THBS4: variants seen among roughly 807,000 people sequenced by gnomAD.
THBS4 encodes thrombospondin-4.
THBS4 carries 90 observed loss-of-function variants against 115.7 expected under a neutral mutation model. The ratio of observed to expected loss-of-function variants is 0.78; its 90% CI spans 0.66 to 0.93. THBS4 has a LOEUF of 0.93. Among genes scored for constraint, THBS4 ranks in the 40% least tolerant of loss-of-function variants. The probability of loss-of-function intolerance (pLI) is 0.00; values close to 1 mark genes in which losing one functional copy is unlikely to be tolerated. For synonymous variants in THBS4, 460 were observed against 479.3 expected, an observed-to-expected ratio of 0.96 and a Z score of 0.53; for missense variants, 1,087 against 1,232.7, an observed-to-expected ratio of 0.88 and a Z score of 1.77.
intron 2 of THBS4, among the ~76,000 whole-genome samples, chr5:80,000,809 T>C (rs1364706485): frequency 6.6e-6 from 1 of 152,060 alleles, no homozygotes; most frequent in Admixed American, 6.6e-5. Flanking sequence ...AGAGCGTATG[T>C]GTGTGCACTG....
At chr5:80,002,530 A>G (rs1269915499) in intron 2 of THBS4, among the ~76,000 whole-genome samples, 1 of 151,826 alleles carries the variant, frequency 6.6e-6, no homozygotes, top group East Asian at 1.9e-4. Context: ...CCCATGCTCT[A>G]TCCTAATGTG....
At chr5:80,061,590 C>A in intron 7 of THBS4, 105 bp from the exon 8 acceptor site, 1 of 1,391,366 alleles carries the variant, frequency 7.2e-7, no homozygotes, top group Non-Finnish European at 9.6e-7. Flanking sequence ...ATTTTTTCCA[C>A]CAAAAGATAG....
upstream of THBS4, among the ~76,000 whole-genome samples, chr5:80,035,184 C>T (rs1220486814): frequency 6.6e-6 from 1 of 152,074 alleles, no homozygotes. This position sits in a 1 kb window ranked among gnomAD's most constrained non-coding sequence, Gnocchi z 4.6. Context: ...CGTCCAGGCT[C>T]CTTCCCATCC....
intron 7 of THBS4, 38 bp from the exon 8 acceptor site, chr5:80,061,657 T>C (rs747702321): frequency 2.6e-6 from 4 of 1,556,476 alleles, no homozygotes; most frequent in Middle Eastern, 1.7e-4. Flanking sequence ...GAGTGTTTTC[T>C]CGGTGTGGCT....
intron 2 of THBS4, among the ~76,000 whole-genome samples, chr5:80,006,565 A>C (rs1832023562): frequency 6.6e-6 from 1 of 152,190 alleles, no homozygotes; most frequent in African/African-American, 2.4e-5. Flanking sequence ...CCTCTGCTCT[A>C]GTTCTTTTTG....
chr5:80,035,629 A>G lies in THBS4; in HGVS notation c.88+4A>G. ...GGCGCCCAGGCCACCCCCCAGGGTA[A>G]GTGGGTTCGGGTCGGGCCTGGGAGC... On this transcript the variant is annotated splice_donor_region_variant and intron_variant, in intron 1 of 21. Coordinates refer to ENST00000350881, the MANE Select transcript of THBS4 (RefSeq NM_003248.6). This position sits in a 1 kb window ranked among gnomAD's most constrained non-coding sequence, Gnocchi z 4.6. The G allele has an allele frequency of 7.4e-7, 1 of 1,358,706 alleles. No homozygotes were observed. The highest frequency in any genetic ancestry group is 9.5e-7 in the Non-Finnish European group (1 of 1,053,868). 84.2% of individuals were successfully genotyped at this position (1,358,706 alleles called of 1,614,324 possible).
chr5:80,082,604 C>T, intron 21 of THBS4, 59 bp downstream of exon 21: 2 of 1,596,856 alleles, frequency 1.3e-6, no homozygotes, highest in South Asian at 1.1e-5. Flanking sequence ...AACACTGCCA[C>T]CTTATTTTTA....
intron 1 of THBS4, chr5:80,036,192 C>T: frequency 1.0e-6 from 1 of 985,430 alleles, no homozygotes; most frequent in Non-Finnish European, 1.2e-6. Context: ...ATAGGAAGGG[C>T]TGAGAAACTG....
At chr5:80,029,448 A>T (rs1056557784) in intron 2 of THBS4, among the ~76,000 whole-genome samples, 1 of 151,968 alleles carries the variant, frequency 6.6e-6, no homozygotes, top group African/African-American at 2.4e-5. Context: ...AAATGTATAC[A>T]TAATTATTAA....
intron 1 of THBS4, among the ~76,000 whole-genome samples, chr5:79,993,867 A>AG (rs1248497559): frequency 2.0e-5 from 3 of 152,214 alleles, no homozygotes; most frequent in Non-Finnish European, 4.4e-5. Flanking sequence ...TAAATTGTAA[A>AG]GTCTTAAATA....
chr5:80,012,242 C>T (rs1000467562), intron 2 of THBS4, among the ~76,000 whole-genome samples: 5 of 152,296 alleles, frequency 3.3e-5, no homozygotes, highest in Non-Finnish European at 5.9e-5. Flanking sequence ...CCAGCCTCTG[C>T]CACTGATTGA....
At chr5:80,005,096 A>G (rs1476745243) in intron 2 of THBS4, among the ~76,000 whole-genome samples, 1 of 152,236 alleles carries the variant, frequency 6.6e-6, no homozygotes, top group Non-Finnish European at 1.5e-5. Context: ...AGCTCAGAAA[A>G]TGACAGTAAT....
At chr5:80,078,762 C>A in intron 17 of THBS4, 159 bp from the exon 18 acceptor site, 1 of 588,188 alleles carries the variant, frequency 1.7e-6, no homozygotes. Flanking sequence ...TTTCTTTGAG[C>A]ACATAACACA....
intron 2 of THBS4, among the ~76,000 whole-genome samples, chr5:80,023,937 C>A (rs1030555726): frequency 2.0e-5 from 3 of 152,112 alleles, no homozygotes; most frequent in Non-Finnish European, 4.4e-5. Flanking sequence ...TAATCTATTC[C>A]TGAGGAATCC....
At chr5:80,078,996 C>G (rs768389203) in intron 18 of THBS4, 27 bp downstream of exon 18, 2 of 1,613,790 alleles carry the variant, frequency 1.2e-6, no homozygotes, top group South Asian at 1.1e-5. Context: ...AGTTGCCACT[C>G]ACATAGAATT....
At position 80,035,455 on chromosome 5, in the gene THBS4, G is replaced by A. The variant is rs911787980; in HGVS notation, c.-83G>A. The A allele has an allele frequency of 1.6e-5, 16 of 1,014,854 alleles. No individual in the cohort carries two copies. The highest frequency in any genetic ancestry group is 1.9e-5 in the Non-Finnish European group (15 of 792,634). The allele number at this position is 1,014,854 out of a possible 1,614,324, so 62.9% of individuals were successfully genotyped here. A position where few individuals can be genotyped will look rare whatever the true frequency, so the allele number is the denominator to read the frequency against. On this transcript the variant is annotated 5_prime_UTR_variant, in exon 1 of 22. Transcript: ENST00000350881. The surrounding 1 kb of genome is among the most constrained non-coding windows in gnomAD (Gnocchi z 4.6). ...CGGCGCCGGCCCGGGCGCCGACCGA[G>A]GTTCAACGCACGGCCCGGGGACCCC... is the stretch of plus-strand genomic sequence containing the variant.
intron 5 of THBS4, among the ~76,000 whole-genome samples, chr5:80,059,026 G>A (rs1025004861): frequency 2.6e-5 from 4 of 152,164 alleles, no homozygotes; most frequent in African/African-American, 4.8e-5. Context: ...GGCTGCTAAC[G>A]CTACTGTAAG....
Position 80,071,021 on chromosome 5 carries a change from G to A in THBS4, c.1561G>A (p.Asp521Asn), listed in dbSNP as rs777333843. The change falls in exon 13 of 22, where the codon GAT (aspartate) becomes AAT (asparagine). Residue 521 changes from aspartate to asparagine, a missense_variant and splice_region_variant. By Grantham distance (23) the Asp-to-Asn change is conservative (BLOSUM62 1). Coordinates refer to ENST00000350881, the MANE Select transcript of THBS4 (RefSeq NM_003248.6). The stretch of plus-strand genomic sequence containing the variant: ...GATGTTCTGTCCTTTCATCTTTTAG[G>A]ATAACTGTGTCCTGATTCATAATGT... ...ADGDGILNEQ[D>N]NCVLIHNVDQ... The A allele has an allele frequency of 6.8e-6, 11 of 1,612,150 alleles. No individual in the cohort carries two copies. The Admixed American group carries it at 1.9e-4, about 27-fold the overall frequency.
At chr5:80,045,248 A>C (rs1833024072) in intron 2 of THBS4, among the ~76,000 whole-genome samples, 1 of 152,206 alleles carries the variant, frequency 6.6e-6, no homozygotes, top group Admixed American at 6.5e-5. Context: ...AAGAAACACA[A>C]GAACTGCTTC....
Sources: gnomAD v4.1 joint callset for allele counts (sites outside exome capture counted in the v4.1 genomes callset) on GRCh38, gnomAD v4.1.1 for gene constraint, Gnocchi (gnomAD v3.1) non-coding constraint, MANE v1.5 for transcripts, NCBI Gene and HGNC (gene_info 2026-07-23, HGNC 2026-07-21) for gene names.